DOK6: variants seen among roughly 807,000 people sequenced by gnomAD.
The protein encoded by DOK6 is downstream of tyrosine kinase 6.
Under a neutral mutation model 44.0 loss-of-function variants are expected in DOK6, and 22 were observed. That is an observed-to-expected ratio of 0.50 (90% CI 0.36 to 0.71). The LOEUF (loss-of-function observed/expected upper bound fraction) is 0.71. DOK6 is among the 30% of genes least tolerant of loss of function. DOK6 has a pLI of 0.00. For missense variants in DOK6, 340 were observed against 416.4 expected, an observed-to-expected ratio of 0.82 and a Z score of 1.60; for synonymous variants, 166 against 145.5, an observed-to-expected ratio of 1.14 and a Z score of -1.01.
chr18:69,811,577 TC>T (rs1981238705), intron 7 of DOK6, among the ~76,000 whole-genome samples: 5 of 11,106 alleles, frequency 4.5e-4, no homozygotes, highest in African/African-American at 7.6e-4. Context: ...TATATATATA[TC>T]AAAACACTAC....
intron 3 of DOK6, among the ~76,000 whole-genome samples, chr18:69,606,825 G>A (rs1049541290): frequency 6.8e-6 from 1 of 146,786 alleles, no homozygotes; most frequent in African/African-American, 2.5e-5. Context: ...GTGCAGTGGC[G>A]CAATCTCGGC....
intron 1 of DOK6, among the ~76,000 whole-genome samples, chr18:69,436,982 C>T (rs1374444778): frequency 3.3e-5 from 5 of 152,118 alleles, no homozygotes; most frequent in Non-Finnish European, 7.4e-5. Context: ...TCATATCCTT[C>T]ACCCACTTTT....
At chr18:69,421,020 C>T (rs978874294) in intron 1 of DOK6, among the ~76,000 whole-genome samples, 3 of 152,144 alleles carry the variant, frequency 2.0e-5, no homozygotes, top group African/African-American at 7.2e-5. Context: ...ATCACTTTCC[C>T]TGTTATGTGT....
At chr18:69,675,322 C>T (rs1228688692) in intron 3 of DOK6, among the ~76,000 whole-genome samples, 3 of 152,074 alleles carry the variant, frequency 2.0e-5, no homozygotes, top group South Asian at 2.1e-4. Flanking sequence ...GGGCATGCAC[C>T]GACTTACTGC....
intron 3 of DOK6, among the ~76,000 whole-genome samples, chr18:69,619,501 G>T (rs1984390801): frequency 1.3e-5 from 2 of 152,180 alleles, no homozygotes; most frequent in Admixed American, 6.5e-5. Context: ...GGCACTACAT[G>T]CCTCTTGGAA....
chr18:69,712,796 G>A (rs962390437), intron 5 of DOK6, among the ~76,000 whole-genome samples: 2 of 152,164 alleles, frequency 1.3e-5, no homozygotes, highest in African/African-American at 2.4e-5. Context: ...GCAGTGAGCC[G>A]AGATCACGCT....
At chr18:69,586,303 C>G (rs1983499032) in intron 2 of DOK6, among the ~76,000 whole-genome samples, 1 of 152,062 alleles carries the variant, frequency 6.6e-6, no homozygotes, top group African/African-American at 2.4e-5. Context: ...AATGTTTTAT[C>G]TGTTTGAAGA....
chr18:69,574,923 G>A (rs1186629961), intron 2 of DOK6, among the ~76,000 whole-genome samples: 1 of 151,932 alleles, frequency 6.6e-6, no homozygotes, highest in African/African-American at 2.4e-5. Flanking sequence ...AGTCCTGAAT[G>A]GAGAAAGGTA....
chr18:69,505,671 T>C (rs1442559828), intron 1 of DOK6, among the ~76,000 whole-genome samples: 1 of 151,764 alleles, frequency 6.6e-6, no homozygotes, highest in Non-Finnish European at 1.5e-5. Context: ...CTAATTTTTG[T>C]ATTTTTAGTA....
At chr18:69,584,299 T>G (rs1983446393) in intron 2 of DOK6, among the ~76,000 whole-genome samples, 3 of 152,110 alleles carry the variant, frequency 2.0e-5, no homozygotes, top group Admixed American at 6.5e-5. Flanking sequence ...TGTTGTTTTT[T>G]CGTATGAGAT....
chr18:69,404,587 C>G (rs1327124058), intron 1 of DOK6, among the ~76,000 whole-genome samples: 1 of 152,036 alleles, frequency 6.6e-6, no homozygotes, highest in Non-Finnish European at 1.5e-5. Context: ...ACTGCTATAC[C>G]TTGACTTATT....
intron 6 of DOK6, among the ~76,000 whole-genome samples, chr18:69,750,675 T>A (rs1340322032): frequency 6.6e-6 from 1 of 152,160 alleles, no homozygotes; most frequent in Non-Finnish European, 1.5e-5. Flanking sequence ...GCATGAAGGT[T>A]CCTCAAACAT....
At chr18:69,821,425 T>C (rs1456718065) in intron 7 of DOK6, among the ~76,000 whole-genome samples, 1 of 152,204 alleles carries the variant, frequency 6.6e-6, no homozygotes, top group African/African-American at 2.4e-5. Context: ...AAAAGAATTC[T>C]GATAAGAGAT....
At chr18:69,709,001 G>C (rs1453099279) in intron 5 of DOK6, among the ~76,000 whole-genome samples, 8 of 152,180 alleles carry the variant, frequency 5.3e-5, no homozygotes, top group Admixed American at 2.6e-4. Context: ...AGCTTGAGCT[G>C]CAGGAGAGTG....
intron 1 of DOK6, among the ~76,000 whole-genome samples, chr18:69,439,901 T>C (rs1276658841): frequency 6.6e-6 from 1 of 152,236 alleles, no homozygotes; most frequent in East Asian, 1.9e-4. Context: ...TTTGGATAAC[T>C]GTTTGGCACA....
chr18:69,518,221 T>G (rs1003785863), intron 1 of DOK6, among the ~76,000 whole-genome samples: 1 of 152,158 alleles, frequency 6.6e-6, no homozygotes, highest in African/African-American at 2.4e-5. Flanking sequence ...AATCTACTGG[T>G]AAAATTGTAA....
intron 3 of DOK6, among the ~76,000 whole-genome samples, chr18:69,634,683 A>G (rs576869109): frequency 2.6e-5 from 4 of 152,316 alleles, no homozygotes; most frequent in South Asian, 2.1e-4. Flanking sequence ...GAAATGAACA[A>G]GAGAAATAAA....
intron 5 of DOK6, among the ~76,000 whole-genome samples, chr18:69,716,864 G>A (rs542052499): frequency 1.3e-5 from 2 of 152,088 alleles, no homozygotes; most frequent in African/African-American, 2.4e-5. Context: ...CAAAGCCATC[G>A]ACTCCACCCA....
intron 1 of DOK6, among the ~76,000 whole-genome samples, chr18:69,427,200 C>G (rs376763987): frequency 6.6e-6 from 1 of 152,146 alleles, no homozygotes; most frequent in Non-Finnish European, 1.5e-5. Context: ...CTCCCTCTCT[C>G]TCTCTCTTTA....
Sources: gnomAD v4.1 joint callset for allele counts (sites outside exome capture counted in the v4.1 genomes callset) on GRCh38, gnomAD v4.1.1 for gene constraint, MANE v1.5 for transcripts, NCBI Gene and HGNC (gene_info 2026-07-23, HGNC 2026-07-21) for gene names.